The following VWA8 variants were observed in gnomAD, a reference collection of about 807,000 sequenced individuals.
VWA8 encodes von Willebrand factor A domain containing 8.
A neutral mutation model predicts 241.5 loss-of-function variants in VWA8; 221 were observed. The ratio of observed to expected loss-of-function variants is 0.91; its 90% CI spans 0.82 to 1.02. VWA8 has a LOEUF of 1.02. VWA8 is among the 50% of genes least tolerant of loss of function. The pLI is 0.00. For synonymous variants in VWA8, 852 were observed against 827.1 expected (o/e 1.03, Z -0.52); for missense variants, 2,322 against 2,328.7 (o/e 1.00, Z 0.06).
At chr13:41,951,555 C>T (rs559281241) in intron 1 of VWA8, among the ~76,000 whole-genome samples, 1 of 152,308 alleles carries the variant, frequency 6.6e-6, no homozygotes, top group South Asian at 2.1e-4. Flanking sequence ...GAGGACTAAA[C>T]TGAATAATCT....
chr13:41,807,328 A>C (rs1053530971), intron 17 of VWA8, among the ~76,000 whole-genome samples: 26 of 152,198 alleles, frequency 1.7e-4, no homozygotes, highest in African/African-American at 6.0e-4. Flanking sequence ...AATATTTCCA[A>C]ACTTGTTCTA....
intron 34 of VWA8, among the ~76,000 whole-genome samples, chr13:41,686,287 C>G (rs940697425): frequency 2.0e-5 from 3 of 152,096 alleles, no homozygotes; most frequent in African/African-American, 7.2e-5. Flanking sequence ...ATTGTTTGCC[C>G]TTGCAATAAT....
intron 14 of VWA8, among the ~76,000 whole-genome samples, chr13:41,825,181 G>A (rs1871128287): frequency 6.6e-6 from 1 of 152,182 alleles, no homozygotes; most frequent in South Asian, 2.1e-4. Flanking sequence ...ATGGCAACAA[G>A]TGTGTCATCT....
chr13:41,769,022 C>T (rs113188068), intron 20 of VWA8, among the ~76,000 whole-genome samples: 9,312 of 152,032 alleles, frequency 0.061, 352 homozygotes, highest in East Asian at 0.11. Context: ...CCAACCTCAG[C>T]CTCCTGAGTA....
rs117951431 is a variant in VWA8, at chr13:41,780,753, T to C, written c.2278-2697A>G. On this transcript the variant is annotated intron_variant, in intron 19 of 44. Coordinates refer to ENST00000379310, the MANE Select transcript of VWA8 (RefSeq NM_015058.2). Reference sequence around the variant, plus strand: ...ATTCCTTAAATGACTCCTAATACTTTAGGAACAAAGGTCATTGCTTACATT... The same window carrying C: ...ATTCCTTAAATGACTCCTAATACTTCAGGAACAAAGGTCATTGCTTACATT... Among the ~76,000 whole-genome samples the C allele has an allele frequency of 9.2e-5, 14 of 152,314 alleles. No individual in the cohort carries two copies. In the East Asian group the frequency reaches 2.5e-3, roughly 27 times the overall value.
chr13:41,721,291 A>T, intron 25 of VWA8, 79 bp downstream of exon 25: 2 of 1,412,788 alleles, frequency 1.4e-6, no homozygotes, highest in Non-Finnish European at 1.9e-6. Flanking sequence ...GAAATTAAAA[A>T]CTCTGGTACA....
chr13:41,725,455 G>A (rs1350517984), intron 24 of VWA8, among the ~76,000 whole-genome samples: 1 of 152,160 alleles, frequency 6.6e-6, no homozygotes, highest in Non-Finnish European at 1.5e-5. Flanking sequence ...CTAAGATATG[G>A]TATAAGATAA....
rs751463766 is a variant in VWA8, at chr13:41,690,166, C to T, written c.3976G>A (p.Glu1326Lys). Residue 1326 changes from glutamate (E) to lysine (K), a missense_variant and splice_region_variant, in exon 33 of 45, where the codon GAA (glutamate) becomes AAA (lysine). Physicochemically the swap from Glu to Lys is moderately conservative, Grantham distance 56 (BLOSUM62 1). Transcript: ENST00000379310. The part of the protein sequence containing the change: ...PPSTGFGVTQ[E>K]TEFSIPHKIS... ...TAAACACAGATGACATAGTATTTAC[C>T]TTGTGTAACTCCAAACCCTGTGCTG... The T allele has an allele frequency of 1.2e-6, 2 of 1,611,022 alleles. No homozygotes were observed. The highest frequency in any genetic ancestry group is 8.5e-7 in the Non-Finnish European group (1 of 1,177,942).
At chr13:41,837,034 A>ATGAT (rs1211281912) in intron 12 of VWA8, among the ~76,000 whole-genome samples, 1 of 134,506 alleles carries the variant, frequency 7.4e-6, no homozygotes, top group Non-Finnish European at 1.6e-5. Flanking sequence ...GTGCAGATAG[A>ATGAT]TGATAGATAG....
intron 9 of VWA8, among the ~76,000 whole-genome samples, chr13:41,876,939 C>G (rs1873927055): frequency 6.6e-6 from 1 of 152,094 alleles, no homozygotes; most frequent in African/African-American, 2.4e-5. Context: ...GATTTTTCCT[C>G]TCTTTATACT....
intron 12 of VWA8, among the ~76,000 whole-genome samples, chr13:41,842,244 C>T (rs906741520): frequency 2.6e-5 from 4 of 152,242 alleles, no homozygotes; most frequent in Non-Finnish European, 5.9e-5. Context: ...GTGAACAGAA[C>T]GCAGGCATGC....
chr13:41,832,507 G>A (rs1871515719), intron 13 of VWA8, among the ~76,000 whole-genome samples: 1 of 151,878 alleles, frequency 6.6e-6, no homozygotes, highest in Non-Finnish European at 1.5e-5. Flanking sequence ...ATCTAATCAG[G>A]ATTAACATAA....
At chr13:41,754,324 CTT>C (rs1282289067) in intron 21 of VWA8, among the ~76,000 whole-genome samples, 2 of 152,110 alleles carry the variant, frequency 1.3e-5, no homozygotes, top group African/African-American at 4.8e-5. Context: ...GCTCTCTTCT[CTT>C]GTCTGCCACC....
chr13:41,723,501 G>A (rs551484086), intron 24 of VWA8, among the ~76,000 whole-genome samples: 24 of 152,268 alleles, frequency 1.6e-4, no homozygotes, highest in African/African-American at 4.3e-4. Context: ...CGACCCATTA[G>A]GGGACTATTT....
At chr13:41,801,320 G>A (rs1314554923) in intron 17 of VWA8, among the ~76,000 whole-genome samples, 5 of 152,008 alleles carry the variant, frequency 3.3e-5, no homozygotes. Context: ...AGACACTAAA[G>A]AGGAATTTCA....
In VWA8 at chr13:41,587,631, C is replaced by T; in HGVS notation, c.5152G>A (p.Val1718Met). ...TACATGCTACCAGACACATCTACCACCAGGCGCAGACGCTTGGGTTTCTGT... is the reference window on the plus strand; with the variant it reads ...TACATGCTACCAGACACATCTACCATCAGGCGCAGACGCTTGGGTTTCTGT... Reference protein sequence around the residue: ...PQQKPKRLRLVVDVSGSMYRF... With the variant: ...PQQKPKRLRLMVDVSGSMYRF... Residue 1718 changes from valine (V) to methionine (M), a missense_variant, in exon 42 of 45, where the codon GTG becomes ATG. By Grantham distance (21) the Val-to-Met change is conservative. Coordinates refer to ENST00000379310, the MANE Select transcript of VWA8 (RefSeq NM_015058.2). 6.2e-7 allele frequency: 1 copy of T among 1,614,208 alleles called. No homozygotes were observed. The highest frequency in any genetic ancestry group is 1.1e-5 in the South Asian group (1 of 91,084).
chr13:41,923,247 G>C (rs985222611), intron 2 of VWA8, among the ~76,000 whole-genome samples: 2 of 152,090 alleles, frequency 1.3e-5, no homozygotes, highest in Non-Finnish European at 2.9e-5. Context: ...AGAACACTTG[G>C]ACACAGGGTG....
intron 10 of VWA8, among the ~76,000 whole-genome samples, chr13:41,867,895 T>C (rs1873387273): frequency 6.6e-6 from 1 of 152,172 alleles, no homozygotes. Context: ...GGAGCTGATA[T>C]ATATATAACA....
chr13:41,786,493 T>C (rs975950112), intron 18 of VWA8, among the ~76,000 whole-genome samples: 1 of 152,192 alleles, frequency 6.6e-6, no homozygotes, highest in African/African-American at 2.4e-5. Context: ...AGATGGGCAC[T>C]GCTAACACTA....
Sources: gnomAD v4.1 joint callset for allele counts (sites outside exome capture counted in the v4.1 genomes callset) on GRCh38, gnomAD v4.1.1 for gene constraint, MANE v1.5 for transcripts, NCBI Gene and HGNC (gene_info 2026-07-23, HGNC 2026-07-21) for gene names.